Variants in ATP11B observed in about 807,000 individuals in gnomAD.
The protein encoded by ATP11B is phospholipid-transporting ATPase IF.
ATP11B carries 81 observed loss-of-function variants against 157.8 expected under a neutral mutation model. That is an observed-to-expected ratio of 0.51 (90% confidence interval 0.43 to 0.62). The LOEUF is 0.62. ATP11B is among the 20% of genes least tolerant of loss of function. The probability of loss-of-function intolerance (pLI) is 0.00; values close to 1 mark genes in which losing one functional copy is unlikely to be tolerated. For synonymous variants in ATP11B, 451 were observed against 469.4 expected (o/e 0.96, Z 0.51); for missense variants, 1,165 against 1,402.2 (o/e 0.83, Z 2.70).
intron 9 of ATP11B, 102 bp from the exon 10 acceptor site, chr3:182,848,374 G>C: frequency 1.6e-6 from 1 of 632,622 alleles, no homozygotes; most frequent in East Asian, 3.6e-5. Flanking sequence ...TATAACAACT[G>C]TCAGACAGTA....
intron 10 of ATP11B, among the ~76,000 whole-genome samples, chr3:182,853,357 G>A (rs966552871): frequency 6.6e-6 from 1 of 151,958 alleles, no homozygotes; most frequent in Non-Finnish European, 1.5e-5. Context: ...ACAGGTGCGC[G>A]CCACAACACC....
rs553954188 is a variant in ATP11B, at chr3:182,915,262, G to C, written c.3452+1268G>C. ...ATTCTTATGTTAACATAATGTCTGT[G>C]GTTTCAATCCCCGTTTATTCTGACT... On this transcript the variant is annotated intron_variant, in intron 29 of 29. Transcript: ENST00000323116. 1.3e-5 allele frequency: 13 copies of C among 985,270 alleles called. No individual in the cohort carries two copies. In the South Asian group the frequency reaches 6.1e-4, roughly 46 times the overall value. 61.0% of individuals were successfully genotyped at this position (985,270 alleles called of 1,614,324 possible). A position where few individuals can be genotyped will look rare whatever the true frequency, so the allele number is the denominator to read the frequency against.
intron 12 of ATP11B, among the ~76,000 whole-genome samples, chr3:182,863,595 C>T (rs992152289): frequency 6.6e-6 from 1 of 151,936 alleles, no homozygotes; most frequent in African/African-American, 2.4e-5. Flanking sequence ...TACTTTATTT[C>T]ATATTCTTCT....
At chr3:182,797,056 A>C (rs1344173268) in intron 1 of ATP11B, among the ~76,000 whole-genome samples, 1 of 152,190 alleles carries the variant, frequency 6.6e-6, no homozygotes, top group Non-Finnish European at 1.5e-5. Context: ...GAACTTGCTT[A>C]TATTTTATAC....
chr3:182,880,859 C>T lies in ATP11B; in HGVS notation c.2407-20C>T. 2 of 1,487,070 alleles carry T rather than the reference C, an allele frequency of 1.3e-6. No individual in the cohort carries two copies. The highest frequency in any genetic ancestry group is 1.8e-6 in the Non-Finnish European group (2 of 1,099,850). 92.1% of individuals were successfully genotyped at this position (1,487,070 alleles called of 1,614,324 possible). On this transcript the variant is annotated intron_variant, in intron 20 of 29. Transcript: ENST00000323116. ...AAATTGAACTTGCGTCATAAATAAC[C>T]AATTCATTATGTCTTTCAGGTAATA... is the stretch of plus-strand genomic sequence containing the variant.
Position 182,867,362 on chromosome 3 carries a change from C to T in ATP11B, c.1620-14C>T, listed in dbSNP as rs1269694039. 21 of 1,555,406 alleles carry T rather than the reference C, an allele frequency of 1.4e-5. No homozygotes were observed. Among genetic ancestry groups the T allele is most frequent in the Non-Finnish European group, 1.8e-5 (20 of 1,128,250 alleles). ...ATTTCTTAAGTCTCACTTTTTTATC[C>T]TTTTGATGTCTAGGATTGGTATTGT... is the stretch of plus-strand genomic sequence containing the variant. On this transcript the variant is annotated splice_polypyrimidine_tract_variant and intron_variant, in intron 14 of 29. Coordinates refer to ENST00000323116, the MANE Select transcript of ATP11B (RefSeq NM_014616.3).
At chr3:182,904,089 C>G (rs1265018367) in intron 28 of ATP11B, among the ~76,000 whole-genome samples, 1 of 152,186 alleles carries the variant, frequency 6.6e-6, no homozygotes. Flanking sequence ...CTGCAAGCCA[C>G]TCTCCAATCA....
Position 182,880,882 on chromosome 3 carries a change from A to C in ATP11B, c.2410A>C (p.Ile804Leu). 6.3e-7 allele frequency: 1 copy of C among 1,577,162 alleles called. No individual in the cohort carries two copies. The highest frequency in any genetic ancestry group is 8.6e-7 in the Non-Finnish European group (1 of 1,163,914). ...RMAPLQKAKV[I>L]RLIKISPEKP... is the part of the protein sequence containing the mutation. ...ACCAATTCATTATGTCTTTCAGGTA[A>C]TAAGACTAATAAAAATATCACCTGA... The change falls in exon 21 of 30, where the codon ATA (isoleucine) becomes CTA (leucine). Residue 804 changes from isoleucine to leucine, a missense_variant. Transcript: ENST00000323116.
intron 19 of ATP11B, among the ~76,000 whole-genome samples, chr3:182,876,338 T>C (rs769599216): frequency 6.6e-6 from 1 of 152,256 alleles, no homozygotes; most frequent in East Asian, 1.9e-4. Context: ...ATTTGTAATT[T>C]AGGCTATTTT....
intron 9 of ATP11B, among the ~76,000 whole-genome samples, chr3:182,846,089 A>C (rs547644310): frequency 1.3e-5 from 2 of 152,210 alleles, no homozygotes; most frequent in Non-Finnish European, 2.9e-5. Context: ...TGAGTCAACT[A>C]TAAGCAAATT....
chr3:182,829,566 C>T (rs1330200860), intron 3 of ATP11B, 106 bp from the exon 4 acceptor site: 6 of 775,484 alleles, frequency 7.7e-6, no homozygotes, highest in Admixed American at 3.0e-5. Context: ...GTTGTGAAAT[C>T]GTGAACTAAA....
At chr3:182,902,600 TC>T (rs1724044959) in intron 28 of ATP11B, 1 of 1,226,672 alleles carries the variant, frequency 8.2e-7, no homozygotes, top group African/African-American at 1.5e-5. Flanking sequence ...CATTAACTCT[TC>T]TGCATGCTAA....
intron 1 of ATP11B, among the ~76,000 whole-genome samples, chr3:182,807,363 G>A (rs1327215229): frequency 6.6e-6 from 1 of 152,126 alleles, no homozygotes; most frequent in Non-Finnish European, 1.5e-5. Context: ...AAATGATCAA[G>A]AGTTTCTAGT....
intron 28 of ATP11B, chr3:182,902,619 T>G: frequency 8.9e-7 from 1 of 1,118,796 alleles, no homozygotes. Flanking sequence ...TAAAGGTCAA[T>G]TAAACAATAT....
intron 1 of ATP11B, among the ~76,000 whole-genome samples, chr3:182,794,979 T>C (rs1715508323): frequency 6.6e-6 from 1 of 151,554 alleles, no homozygotes; most frequent in Admixed American, 6.6e-5. Flanking sequence ...GACCAAGAAG[T>C]GTGGTGTTTC....
intron 7 of ATP11B, 100 bp downstream of exon 7, chr3:182,837,274 CTG>C (rs1266316340): frequency 3.7e-5 from 32 of 859,788 alleles, no homozygotes; most frequent in Non-Finnish European, 5.0e-5. Flanking sequence ...TAATTGGAGA[CTG>C]TATTTGTGGG....
chr3:182,828,581 C>G (rs1717886386), intron 3 of ATP11B, among the ~76,000 whole-genome samples: 1 of 151,728 alleles, frequency 6.6e-6, no homozygotes, highest in Non-Finnish European at 1.5e-5. Flanking sequence ...CATCTTTGTA[C>G]AAAGTAAACT....
At chr3:182,897,233 G>A in intron 26 of ATP11B, 70 bp from the exon 27 acceptor site, 2 of 840,494 alleles carry the variant, frequency 2.4e-6, no homozygotes, top group East Asian at 2.8e-5. Context: ...TTATTCTTGA[G>A]TTTCATCTGA....
chr3:182,850,095 A>C (rs1296750997), intron 10 of ATP11B, among the ~76,000 whole-genome samples: 1 of 152,246 alleles, frequency 6.6e-6, no homozygotes, highest in African/African-American at 2.4e-5. Context: ...GGGAAAGGAC[A>C]TCCTCTTCAG....
Sources: gnomAD v4.1 joint callset for allele counts (sites outside exome capture counted in the v4.1 genomes callset) on GRCh38, gnomAD v4.1.1 for gene constraint, MANE v1.5 for transcripts, NCBI Gene and HGNC (gene_info 2026-07-23, HGNC 2026-07-21) for gene names.